LNPK: variants seen among roughly 807,000 people sequenced by gnomAD.
LNPK encodes endoplasmic reticulum junction formation protein lunapark.
Under a neutral mutation model 55.2 loss-of-function variants are expected in LNPK, and 29 were observed. The ratio of observed to expected loss-of-function variants is 0.53; its 90% CI spans 0.39 to 0.72. LNPK has a LOEUF of 0.72. Among genes scored for constraint, LNPK ranks in the 30% least tolerant of loss-of-function variants. The probability of loss-of-function intolerance (pLI) is 0.00; values close to 1 mark genes in which losing one functional copy is unlikely to be tolerated. For synonymous variants in LNPK, 162 were observed against 168.2 expected (o/e 0.96, Z 0.29); for missense variants, 467 against 494.8 (o/e 0.94, Z 0.53).
At chr2:175,956,278 CAA>C (rs10630601) in intron 8 of LNPK, among the ~76,000 whole-genome samples, 56 of 108,446 alleles carry the variant, frequency 5.2e-4, no homozygotes, top group Admixed American at 1.2e-3. Flanking sequence ...ACCATGTATT[CAA>C]AAAAAAAAAA....
At chr2:175,966,530 C>G (rs1330533081) in intron 6 of LNPK, among the ~76,000 whole-genome samples, 2 of 152,112 alleles carry the variant, frequency 1.3e-5, no homozygotes, top group Admixed American at 6.6e-5. Context: ...GATTGCATTC[C>G]TGGTAGATTA....
intron 8 of LNPK, among the ~76,000 whole-genome samples, chr2:175,959,878 A>G (rs1685915633): frequency 6.7e-6 from 1 of 148,796 alleles, no homozygotes; most frequent in South Asian, 2.1e-4. Context: ...TACCAAGCAA[A>G]TGGAAAACAA....
chr2:175,954,881 G>C (rs530190363), intron 8 of LNPK, among the ~76,000 whole-genome samples: 9 of 152,292 alleles, frequency 5.9e-5, no homozygotes, highest in Non-Finnish European at 1.3e-4. Flanking sequence ...TATAGAGGTA[G>C]CAAGCTAACT....
intron 5 of LNPK, among the ~76,000 whole-genome samples, chr2:175,972,551 G>A (rs1465678908): frequency 6.6e-6 from 1 of 151,902 alleles, no homozygotes; most frequent in African/African-American, 2.4e-5. Flanking sequence ...AGTCTACCAG[G>A]GAAAAGAATG....
At chr2:175,932,180 T>A in intron 12 of LNPK, 1 of 455,312 alleles carries the variant, frequency 2.2e-6, no homozygotes. Flanking sequence ...AGGAGAGGTA[T>A]CAAAATTCAA....
chr2:175,993,050 A>G (rs1244061458), intron 3 of LNPK, 132 bp downstream of exon 3: 1 of 567,246 alleles, frequency 1.8e-6, no homozygotes, highest in Non-Finnish European at 3.0e-6. Flanking sequence ...ACATAATATT[A>G]AAGTTCTCAG....
chr2:175,956,368 T>A (rs534683810), intron 8 of LNPK, among the ~76,000 whole-genome samples: 10 of 151,986 alleles, frequency 6.6e-5, no homozygotes, highest in Admixed American at 2.6e-4. Context: ...CCTATGGTGA[T>A]AACCTATTCC....
intron 12 of LNPK, among the ~76,000 whole-genome samples, chr2:175,931,241 A>C (rs999742267): frequency 6.6e-6 from 1 of 152,212 alleles, no homozygotes; most frequent in African/African-American, 2.4e-5. Flanking sequence ...ACGATATACT[A>C]CAAATGTTAC....
chr2:175,988,512 CAA>C (rs575414400), intron 4 of LNPK, among the ~76,000 whole-genome samples: 3 of 58,750 alleles, frequency 5.1e-5, no homozygotes, highest in Non-Finnish European at 1.0e-4. Context: ...ACTCTGTCTC[CAA>C]AAAAAAAAAA....
intron 5 of LNPK, among the ~76,000 whole-genome samples, chr2:175,971,391 A>G (rs1216065148): frequency 6.6e-6 from 1 of 152,108 alleles, no homozygotes; most frequent in Non-Finnish European, 1.5e-5. Flanking sequence ...AGAAAGAATC[A>G]CCTCAGAGGA....
intron 5 of LNPK, among the ~76,000 whole-genome samples, chr2:175,972,985 G>GC (rs1331382054): frequency 6.6e-6 from 1 of 152,134 alleles, no homozygotes; most frequent in Admixed American, 6.5e-5. Context: ...CTCGGATAAT[G>GC]CATCTGCTAC....
chr2:175,932,520 T>G (rs62186997), intron 12 of LNPK, among the ~76,000 whole-genome samples: 9,027 of 152,236 alleles, frequency 0.059, 349 homozygotes, highest in South Asian at 0.098. Flanking sequence ...TGGGTTAATT[T>G]GCAGAAAAGC....
chr2:175,948,136 CTAAG>C, intron 8 of LNPK, among the ~76,000 whole-genome samples: 1 of 152,326 alleles, frequency 6.6e-6, no homozygotes, highest in Middle Eastern at 3.4e-3. Context: ...AGTAATTAAT[CTAAG>C]TAGTCATAGA....
rs1422322172 is a variant in LNPK, at chr2:175,929,830, A to G, written c.*137T>C. The G allele has an allele frequency of 6.8e-7, 1 of 1,461,454 alleles. No homozygotes were observed. Among genetic ancestry groups the G allele is most frequent in the East Asian group, 2.5e-5 (1 of 40,532 alleles). The allele number at this position is 1,461,454 out of a possible 1,614,324, so 90.5% of individuals were successfully genotyped here. A position where few individuals can be genotyped will look rare whatever the true frequency, so the allele number is the denominator to read the frequency against. On this transcript the variant is annotated 3_prime_UTR_variant, in exon 13 of 13. Transcript: ENST00000272748. The stretch of plus-strand genomic sequence containing the variant: ...AGTATATATAACTTTGAGATGTTCA[A>G]ATAGCTAGGCAATCTGAATTCAAAT...
At chr2:175,962,971 C>T (rs528711045) in intron 8 of LNPK, among the ~76,000 whole-genome samples, 3 of 148,202 alleles carry the variant, frequency 2.0e-5, no homozygotes, top group Non-Finnish European at 4.5e-5. Flanking sequence ...TCATCACTGG[C>T]CATCAGAGAA....
intron 9 of LNPK, among the ~76,000 whole-genome samples, chr2:175,940,632 T>C (rs1018512484): frequency 6.6e-6 from 1 of 151,970 alleles, no homozygotes; most frequent in Non-Finnish European, 1.5e-5. Flanking sequence ...AGATTAAAAA[T>C]TACTAGACAT....
intron 5 of LNPK, among the ~76,000 whole-genome samples, chr2:175,976,230 C>T (rs117243264): frequency 1.3e-5 from 2 of 152,252 alleles, no homozygotes; most frequent in East Asian, 1.9e-4. Context: ...CACACAAGAT[C>T]TGATTTATAC....
At chr2:175,934,343 GAGA>G (rs1165657549) in intron 12 of LNPK, among the ~76,000 whole-genome samples, 3 of 152,084 alleles carry the variant, frequency 2.0e-5, no homozygotes, top group African/African-American at 7.2e-5. Flanking sequence ...ATAAAAGAAA[GAGA>G]AGGACTAAAA....
chr2:175,941,789 T>C, intron 9 of LNPK, among the ~76,000 whole-genome samples: 1 of 37,182 alleles, frequency 2.7e-5, no homozygotes, highest in Non-Finnish European at 4.9e-5. Flanking sequence ...AGATTCCATC[T>C]CAAAAAAAAA....
Sources: gnomAD v4.1 joint callset for allele counts (sites outside exome capture counted in the v4.1 genomes callset) on GRCh38, gnomAD v4.1.1 for gene constraint, MANE v1.5 for transcripts, NCBI Gene and HGNC (gene_info 2026-07-23, HGNC 2026-07-21) for gene names.